Variants in SUMF1 observed in about 807,000 individuals in gnomAD.
The protein encoded by SUMF1 is formylglycine-generating enzyme.
Under a neutral mutation model 47.6 loss-of-function variants are expected in SUMF1, and 48 were observed. That is an observed-to-expected ratio of 1.01 (90% CI 0.80 to 1.28). The LOEUF is 1.28. Ranked by LOEUF, SUMF1 falls within the 50% of genes most tolerant of loss-of-function variation. The probability of loss-of-function intolerance (pLI) is 0.00; values close to 1 mark genes in which losing one functional copy is unlikely to be tolerated. For missense variants in SUMF1, 571 were observed against 485.4 expected, an observed-to-expected ratio of 1.18 and a Z score of -1.66; for synonymous variants, 230 against 192.1, an observed-to-expected ratio of 1.20 and a Z score of -1.63.
intron 8 of SUMF1, among the ~76,000 whole-genome samples, chr3:4,331,367 T>C (rs539350907): frequency 4.2e-4 from 64 of 152,240 alleles, no homozygotes; most frequent in Non-Finnish European, 7.8e-4. Flanking sequence ...TTCTCTTGTA[T>C]TTAGTAATTT....
At chr3:4,077,752 A>G (rs2125042593) in intron 8 of SUMF1, among the ~76,000 whole-genome samples, 2 of 152,214 alleles carry the variant, frequency 1.3e-5, no homozygotes, top group Non-Finnish European at 2.9e-5. Flanking sequence ...ACATGTACAC[A>G]TATGTAACAA....
chr3:4,418,317 G>A (rs1701784876), intron 4 of SUMF1, among the ~76,000 whole-genome samples, 185 bp from the exon 5 acceptor site: 1 of 152,204 alleles, frequency 6.6e-6, no homozygotes, highest in African/African-American at 2.4e-5. Flanking sequence ...TGACAACCCA[G>A]GCTCCCAAAT....
intron 6 of SUMF1, among the ~76,000 whole-genome samples, chr3:4,412,546 T>C (rs2125015397): frequency 6.6e-6 from 1 of 152,282 alleles, no homozygotes; most frequent in Middle Eastern, 3.4e-3. Flanking sequence ...AATTCAGTTA[T>C]TTCAGGAATA....
In SUMF1 at chr3:4,313,708, A is replaced by C; in HGVS notation, c.1014+62622T>G. 3 of 1,614,046 alleles carry C rather than the reference A, an allele frequency of 1.9e-6. No individual in the cohort carries two copies. Among genetic ancestry groups the C allele is most frequent in the Non-Finnish European group, 2.5e-6 (3 of 1,179,976 alleles). On this transcript the variant is annotated intron_variant and NMD_transcript_variant, in intron 8 of 12. Transcript: ENST00000448413. Reference sequence around the variant, plus strand: ...TTGTGGAAATGAGAAGGAACCCAGCATGTGTGGCTCAGCCCCTTCTGTGTT... The same window carrying C: ...TTGTGGAAATGAGAAGGAACCCAGCCTGTGTGGCTCAGCCCCTTCTGTGTT...
chr3:4,199,044 C>G (rs1016268506), intron 8 of SUMF1, among the ~76,000 whole-genome samples: 3 of 151,884 alleles, frequency 2.0e-5, no homozygotes, highest in Admixed American at 2.0e-4. Flanking sequence ...TTGAAGTTTA[C>G]AGATCAAATG....
intron 8 of SUMF1, among the ~76,000 whole-genome samples, chr3:4,164,641 C>CATGA (rs1484050397): frequency 6.6e-6 from 1 of 152,162 alleles, no homozygotes; most frequent in East Asian, 1.9e-4. Context: ...GTCTGAGGGC[C>CATGA]ATGACTAAGG....
chr3:4,292,287 T>A (rs1189403250), intron 8 of SUMF1, among the ~76,000 whole-genome samples: 1 of 152,220 alleles, frequency 6.6e-6, no homozygotes, highest in Non-Finnish European at 1.5e-5. Context: ...CTAAAACGAA[T>A]AGCATGTCTT....
chr3:4,290,179 T>C (rs1284028198), intron 8 of SUMF1, among the ~76,000 whole-genome samples: 6 of 152,224 alleles, frequency 3.9e-5, no homozygotes, highest in African/African-American at 1.4e-4. Context: ...TTAGCATCTT[T>C]AGACAGTATT....
chr3:4,100,584 A>T (rs1476573964), intron 8 of SUMF1, among the ~76,000 whole-genome samples: 1 of 152,072 alleles, frequency 6.6e-6, no homozygotes, highest in Non-Finnish European at 1.5e-5. Flanking sequence ...AGAAGAAAAC[A>T]TAGGGGGAAA....
At position 4,365,491 on chromosome 3, in the gene SUMF1, G is replaced by T. The variant is rs536230327; in HGVS notation, c.1015-3237C>A. Reference sequence around the variant, plus strand: ...TGTAATGGCCTTCTTTGTCTCTTTTGATCTTTGTTGGTTTAAAGTCTGTTT... The same window carrying T: ...TGTAATGGCCTTCTTTGTCTCTTTTTATCTTTGTTGGTTTAAAGTCTGTTT... On this transcript the variant is annotated intron_variant, in intron 8 of 8. Coordinates refer to ENST00000272902, the MANE Select transcript of SUMF1 (RefSeq NM_182760.4). Among the ~76,000 whole-genome samples the T allele has an allele frequency of 3.4e-3, 459 of 133,816 alleles. 8 individuals carry two copies. The highest frequency in any genetic ancestry group is 0.012 in the African/African-American group (443 of 37,436). 87.8% of individuals were successfully genotyped at this position (133,816 alleles called of 152,430 possible).
chr3:4,068,634 G>C (rs555231492), exon 9 of SUMF1: 19 of 446,346 alleles, frequency 4.3e-5, no homozygotes, highest in African/African-American at 3.6e-4. Flanking sequence ...TGATGCCTAC[G>C]TATTGAGCAG....
chr3:4,076,920 C>T (rs537688537), intron 8 of SUMF1, among the ~76,000 whole-genome samples: 20 of 152,100 alleles, frequency 1.3e-4, no homozygotes, highest in African/African-American at 4.8e-4. Flanking sequence ...AGGAGAATGG[C>T]GTGAACCCGA....
chr3:4,137,817 C>T (rs572325522), intron 8 of SUMF1, among the ~76,000 whole-genome samples: 5 of 152,034 alleles, frequency 3.3e-5, no homozygotes, highest in East Asian at 1.9e-4. Flanking sequence ...AGAGCAACTG[C>T]GCAGAAAAAG....
At chr3:4,375,199 T>A (rs577990869) in intron 8 of SUMF1, among the ~76,000 whole-genome samples, 1 of 148,918 alleles carries the variant, frequency 6.7e-6, no homozygotes, top group African/African-American at 2.5e-5. Context: ...TTATTACCAA[T>A]GTAGGTCTAA....
intron 8 of SUMF1, among the ~76,000 whole-genome samples, chr3:4,180,475 T>C (rs942093445): frequency 6.6e-6 from 1 of 151,284 alleles, no homozygotes; most frequent in Non-Finnish European, 1.5e-5. Flanking sequence ...TTCTCACTCA[T>C]AGGTGGGAAT....
intron 1 of SUMF1, among the ~76,000 whole-genome samples, chr3:4,462,641 C>T (rs1304670443): frequency 6.6e-6 from 1 of 152,122 alleles, no homozygotes; most frequent in Non-Finnish European, 1.5e-5. Context: ...TCCTTCTTTC[C>T]TCTCCTCAAC....
chr3:4,129,978 A>G (rs912106527), intron 8 of SUMF1, among the ~76,000 whole-genome samples: 1 of 152,126 alleles, frequency 6.6e-6, no homozygotes, highest in African/African-American at 2.4e-5. Context: ...TATTACAGTA[A>G]GAAAGGCCAA....
At chr3:4,104,234 TC>T (rs1693104381) in intron 8 of SUMF1, among the ~76,000 whole-genome samples, 2 of 152,192 alleles carry the variant, frequency 1.3e-5, no homozygotes, top group African/African-American at 4.8e-5. Context: ...ATAAGGAGTT[TC>T]CCCTTATGCT....
At chr3:4,252,676 C>T (rs1037074937) in intron 8 of SUMF1, among the ~76,000 whole-genome samples, 1 of 152,034 alleles carries the variant, frequency 6.6e-6, no homozygotes, top group Non-Finnish European at 1.5e-5. Context: ...ACTTTCTTCC[C>T]AATGTGCTAC....
Sources: allele counts gnomAD v4.1 joint callset (sites outside exome capture counted in the v4.1 genomes callset), GRCh38; gene constraint gnomAD v4.1.1; transcripts MANE v1.5; gene names NCBI Gene and HGNC (gene_info 2026-07-23, HGNC 2026-07-21).